FBXL5: variants seen among roughly 807,000 people sequenced by gnomAD.
FBXL5 encodes F-box and leucine rich repeat protein 5.
In FBXL5, 26 loss-of-function variants were observed where a neutral mutation model predicts 78.3. That is an observed-to-expected ratio of 0.33 (90% confidence interval 0.24 to 0.46). The LOEUF is 0.46. Ranked by LOEUF, FBXL5 falls within the 20% of genes least tolerant of loss-of-function variation. FBXL5 has a pLI of 1.00. For missense variants in FBXL5, 710 were observed against 829.2 expected, an observed-to-expected ratio of 0.86 and a Z score of 1.77; for synonymous variants, 295 against 282.5, an observed-to-expected ratio of 1.04 and a Z score of -0.45.
intron 9 of FBXL5, among the ~76,000 whole-genome samples, chr4:15,618,452 C>G (rs1712130300): frequency 6.6e-6 from 1 of 152,186 alleles, no homozygotes; most frequent in South Asian, 2.1e-4. Context: ...AACAGAAAAT[C>G]TGAATTGACT....
chr4:15,670,504 T>C (rs1233527078), intron 1 of FBXL5, among the ~76,000 whole-genome samples: 2 of 152,208 alleles, frequency 1.3e-5, no homozygotes, highest in African/African-American at 4.8e-5. Context: ...ACATTTAAAG[T>C]GTGTGCCTTA....
chr4:15,677,873 G>T (rs990411182), intron 1 of FBXL5, among the ~76,000 whole-genome samples: 4 of 152,162 alleles, frequency 2.6e-5, no homozygotes, highest in African/African-American at 9.7e-5. Context: ...AAGTAGGTTG[G>T]GAATACCTGA....
intron 1 of FBXL5, among the ~76,000 whole-genome samples, chr4:15,653,643 A>T (rs1577488764): frequency 6.7e-6 from 1 of 150,250 alleles, no homozygotes; most frequent in Non-Finnish European, 1.5e-5. Flanking sequence ...TTTTGAGACC[A>T]TTTTTTTTTT....
chr4:15,608,504 T>G (rs949839121), intron 10 of FBXL5, among the ~76,000 whole-genome samples: 2 of 151,606 alleles, frequency 1.3e-5, no homozygotes, highest in South Asian at 2.1e-4. Flanking sequence ...ACAAACCTAC[T>G]GTCAGCATCT....
In FBXL5 at chr4:15,631,645, A is replaced by C. The variant is rs1167877408; in HGVS notation, c.767-854T>G. 5.9e-5 allele frequency among the ~76,000 whole-genome samples: 9 copies of C among 152,180 alleles called. No homozygotes were observed. The Middle Eastern group carries it at 0.01, about 173-fold the overall frequency. On this transcript the variant is annotated intron_variant, in intron 5 of 10. Coordinates refer to ENST00000341285, the MANE Select transcript of FBXL5 (RefSeq NM_012161.4). ...TGAGATGGTATCTCATTGTGGTTTT[A>C]ATTTGCATTTCTCTGATGACCAGTG...
At position 15,670,914 on chromosome 4, in the gene FBXL5, C is replaced by CT. The variant is rs57312794; in HGVS notation, c.-284+10468dup. On this transcript the variant is annotated intron_variant, in intron 1 of 4. Transcript: ENST00000507899. ...CAAAGACATTTTCTCTGTGCGTAGA[C>CT]TTTTTTTTTTTTTTTTTTTTTTTTT... Among the ~76,000 whole-genome samples, 106 of 54,182 alleles carry CT rather than the reference C, an allele frequency of 2.0e-3. 15 individuals are homozygous for CT. The highest frequency in any genetic ancestry group is 3.0e-3 in the African/African-American group (37 of 12,354). 35.5% of individuals were successfully genotyped at this position (54,182 alleles called of 152,430 possible).
chr4:15,617,818 G>A (rs1435603418), intron 9 of FBXL5, among the ~76,000 whole-genome samples: 1 of 152,162 alleles, frequency 6.6e-6, no homozygotes, highest in African/African-American at 2.4e-5. Flanking sequence ...ATGGCGGTGG[G>A]TGGGAGTAAG....
chr4:15,631,971 TA>T (rs1403387913), intron 5 of FBXL5, among the ~76,000 whole-genome samples: 1 of 152,268 alleles, frequency 6.6e-6, no homozygotes, highest in African/African-American at 2.4e-5. Context: ...TTTGGTGTTT[TA>T]GTCACAAAGT....
chr4:15,611,233 A>G (rs1349110612), intron 10 of FBXL5, among the ~76,000 whole-genome samples: 2 of 152,100 alleles, frequency 1.3e-5, no homozygotes, highest in African/African-American at 4.8e-5. Flanking sequence ...GAGAGCTACC[A>G]TCTCCAGTTT....
At chr4:15,608,156 G>C (rs1211624602) in intron 10 of FBXL5, among the ~76,000 whole-genome samples, 1 of 152,074 alleles carries the variant, frequency 6.6e-6, no homozygotes, top group African/African-American at 2.4e-5. Context: ...AAAGGTAAGG[G>C]AGAAATATTA....
At chr4:15,670,581 T>A (rs1249250278) in intron 1 of FBXL5, among the ~76,000 whole-genome samples, 1 of 152,192 alleles carries the variant, frequency 6.6e-6, no homozygotes, top group Non-Finnish European at 1.5e-5. Context: ...CTGGGATGCA[T>A]ATATAGCCAG....
chr4:15,625,518 T>C lies in FBXL5; in HGVS notation c.1584A>G (p.Leu528=), dbSNP rs1209478574. 10 of 1,613,994 alleles carry C rather than the reference T, an allele frequency of 6.2e-6. No individual in the cohort carries two copies. Among genetic ancestry groups the C allele is most frequent in the Non-Finnish European group, 8.5e-6 (10 of 1,180,020 alleles). ...GCTGCTGCCAACAGACACTAGTCCT[T>C]AGTCCAACAATGTCCTTACTAAAAC... The part of the protein sequence containing the change: ...SGCFSKDIVG[L]RTSVCWQQHC... Residue 528 remains leucine, a synonymous_variant, in exon 9 of 11, where the codon CTA becomes CTG. Coordinates refer to ENST00000341285, the MANE Select transcript of FBXL5 (RefSeq NM_012161.4).
chr4:15,625,617 T>C lies in FBXL5; in HGVS notation c.1485A>G (p.Glu495=), dbSNP rs1294443333. Residue 495 remains glutamate (E), a synonymous_variant, in exon 9 of 11, where the codon GAA becomes GAG. Transcript: ENST00000341285. The stretch of plus-strand genomic sequence containing the variant: ...GACTTTCAACATTTCTATGTCTCCA[T>C]TCCACAGTATCTTCAATATCAGCCA... ...EDLADIEDTV[E]WRHRNVESLC... 6.2e-7 allele frequency: 1 copy of C among 1,614,146 alleles called. No individual in the cohort carries two copies. Among genetic ancestry groups the C allele is most frequent in the Non-Finnish European group, 8.5e-7 (1 of 1,180,028 alleles).
chr4:15,641,663 C>T (rs746793638), intron 2 of FBXL5: 19 of 447,806 alleles, frequency 4.2e-5, no homozygotes, highest in South Asian at 3.0e-4. Context: ...AAAAGTTATA[C>T]GTGGATTTTC....
At position 15,630,661 on chromosome 4, in the gene FBXL5, C is replaced by A. The variant is rs1472782912; in HGVS notation, c.892+5G>T. 1.9e-6 allele frequency: 3 copies of A among 1,566,978 alleles called. No individual in the cohort carries two copies. Among genetic ancestry groups the A allele is most frequent in the African/African-American group, 1.4e-5 (1 of 72,466 alleles). ...TGTAATAATTTTAATTCCAAACAAGCTTACCAGATTCATCAATGTCAGCAT... is the reference window on the plus strand; with the variant it reads ...TGTAATAATTTTAATTCCAAACAAGATTACCAGATTCATCAATGTCAGCAT... On this transcript the variant is annotated splice_donor_5th_base_variant and intron_variant, in intron 6 of 10. Transcript: ENST00000341285.
intron 3 of FBXL5, among the ~76,000 whole-genome samples, chr4:15,640,393 G>GAAAAAA (rs33987840): frequency 3.3e-5 from 3 of 91,594 alleles, no homozygotes; most frequent in Non-Finnish European, 6.3e-5. Context: ...CTACACTACT[G>GAAAAAA]AAAAAAAAAA....
chr4:15,655,255 GA>G lies in FBXL5; in HGVS notation c.32del (p.Phe11SerfsTer8). 6.9e-7 allele frequency: 1 copy of G among 1,444,030 alleles called. No homozygotes were observed. The highest frequency in any genetic ancestry group is 9.3e-7 in the Non-Finnish European group (1 of 1,079,608). The allele number at this position is 1,444,030 out of a possible 1,614,324, so 89.5% of individuals were successfully genotyped here. A position where few individuals can be genotyped will look rare whatever the true frequency, so the allele number is the denominator to read the frequency against. MAPFPEEVDV[F>X]TAPHWRMKQL... ...GCTTCATCCGCCAGTGTGGGGCGGT[GA>G]AGACGTCCACTTCTTCAGGAAAGGG... On this transcript the variant is annotated frameshift_variant, in exon 1 of 11. Coordinates refer to ENST00000341285, the MANE Select transcript of FBXL5 (RefSeq NM_012161.4). LOFTEE classifies it high-confidence loss of function.
chr4:15,620,459 C>G (rs1204507814), intron 9 of FBXL5, among the ~76,000 whole-genome samples: 1 of 152,176 alleles, frequency 6.6e-6, no homozygotes, highest in Non-Finnish European at 1.5e-5. Context: ...TCTCAAGGAA[C>G]CCCAGATACT....
upstream of FBXL5, chr4:15,655,415 G>T (rs1035682775): frequency 8.1e-5 from 81 of 1,003,998 alleles, no homozygotes; most frequent in Middle Eastern, 2.5e-3. Context: ...CGCCCGGTCG[G>T]CTTGGCCGGC....
Sources: gnomAD v4.1 joint callset for allele counts (sites outside exome capture counted in the v4.1 genomes callset) on GRCh38, gnomAD v4.1.1 for gene constraint, MANE v1.5 for transcripts, NCBI Gene and HGNC (gene_info 2026-07-23, HGNC 2026-07-21) for gene names.